The following PTN variants were observed in gnomAD, a reference collection of about 807,000 sequenced individuals.
The protein encoded by PTN is pleiotrophin.
PTN carries 18 observed loss-of-function variants against 24.1 expected under a neutral mutation model. That is an observed-to-expected ratio of 0.75 (90% CI 0.52 to 1.11). PTN has a LOEUF of 1.11. Ranked by LOEUF, PTN falls within the 50% of genes least tolerant of loss-of-function variation. The pLI is 0.00. For synonymous variants in PTN, 78 were observed against 68.6 expected (o/e 1.14, Z -0.67); for missense variants, 163 against 198.8 (o/e 0.82, Z 1.08).
At chr7:137,273,071 C>A (rs1809303106) in intron 1 of PTN, among the ~76,000 whole-genome samples, 1 of 152,134 alleles carries the variant, frequency 6.6e-6, no homozygotes, top group Non-Finnish European at 1.5e-5. Flanking sequence ...TGTGTAGACA[C>A]AAACACTTGT....
At chr7:137,269,860 T>C (rs1330475994) in intron 1 of PTN, among the ~76,000 whole-genome samples, 2 of 152,096 alleles carry the variant, frequency 1.3e-5, no homozygotes, top group Non-Finnish European at 2.9e-5. Context: ...CTCAATCTCC[T>C]GACCTCGTGA....
At chr7:137,239,379 T>C (rs1226482193) in intron 4 of PTN, among the ~76,000 whole-genome samples, 1 of 70,206 alleles carries the variant, frequency 1.4e-5, no homozygotes, top group Non-Finnish European at 2.8e-5. Context: ...TTCTTTTTTA[T>C]TTATTTATTT....
Position 137,293,465 on chromosome 7 carries a change from T to C in PTN, c.-1-38491A>G, listed in dbSNP as rs1045029406. 2.0e-5 allele frequency among the ~76,000 whole-genome samples: 3 copies of C among 152,108 alleles called. 1 individual carries two copies. Among genetic ancestry groups the C allele is most frequent in the South Asian group, 2.1e-4 (1 of 4,830 alleles). The stretch of plus-strand genomic sequence containing the variant: ...GATTGATAAAGTTTCTGGGCTAGCA[T>C]ACTTGAAATGCTAGTAATTAGAGTG... On this transcript the variant is annotated intron_variant, in intron 1 of 4. Coordinates refer to ENST00000348225, the MANE Select transcript of PTN (RefSeq NM_002825.7).
At chr7:137,228,730 T>C (rs1183426357) in intron 4 of PTN, among the ~76,000 whole-genome samples, 3 of 151,700 alleles carry the variant, frequency 2.0e-5, no homozygotes, top group Admixed American at 2.0e-4. Flanking sequence ...AAGTAAAACA[T>C]TGAGGATTTC....
intron 1 of PTN, among the ~76,000 whole-genome samples, chr7:137,305,272 A>G (rs1469393591): frequency 6.6e-6 from 1 of 152,094 alleles, no homozygotes; most frequent in African/African-American, 2.4e-5. Context: ...TTAACCTATT[A>G]ATCATATCTG....
chr7:137,236,588 A>C (rs1186000648), intron 4 of PTN, among the ~76,000 whole-genome samples: 5 of 152,140 alleles, frequency 3.3e-5, no homozygotes, highest in African/African-American at 1.2e-4. Context: ...GACCACTCTC[A>C]AGATTTTATA....
At chr7:137,337,310 C>T (rs979795775) in intron 1 of PTN, among the ~76,000 whole-genome samples, 3 of 152,128 alleles carry the variant, frequency 2.0e-5, no homozygotes. Flanking sequence ...CATTATATTA[C>T]AGAGGAATAA....
intron 1 of PTN, among the ~76,000 whole-genome samples, chr7:137,339,873 C>T (rs921589396): frequency 9.2e-5 from 14 of 151,880 alleles, no homozygotes; most frequent in Non-Finnish European, 1.5e-5. Context: ...AGACAGAATG[C>T]TATTTGTGTT....
At chr7:137,236,143 C>T (rs1409541874) in intron 4 of PTN, 2 of 701,616 alleles carry the variant, frequency 2.9e-6, no homozygotes, top group East Asian at 5.4e-5. Context: ...AATCAACTCA[C>T]CAGTTGCATC....
intron 1 of PTN, among the ~76,000 whole-genome samples, chr7:137,302,259 C>T (rs1809817805): frequency 1.3e-5 from 2 of 151,974 alleles, no homozygotes; most frequent in Admixed American, 6.6e-5. Context: ...TAAATGCCAT[C>T]AAGAATTTGA....
At chr7:137,253,695 T>C (rs997369946) in intron 2 of PTN, 58 bp from the exon 3 acceptor site, 17 of 1,365,288 alleles carry the variant, frequency 1.2e-5, no homozygotes, top group African/African-American at 1.2e-4. Context: ...CTTCCAGATA[T>C]AACCAAGTTC....
At chr7:137,329,261 G>T (rs1431922718) in intron 1 of PTN, among the ~76,000 whole-genome samples, 1 of 152,188 alleles carries the variant, frequency 6.6e-6, no homozygotes, top group Non-Finnish European at 1.5e-5. Context: ...GGTGAATTGT[G>T]CTCAGAAATT....
chr7:137,334,023 C>T (rs1367734419), intron 1 of PTN, among the ~76,000 whole-genome samples: 2 of 152,276 alleles, frequency 1.3e-5, no homozygotes, highest in Admixed American at 1.3e-4. Flanking sequence ...CTTCCTTACA[C>T]CTCATACAAA....
chr7:137,254,522 A>G (rs563048301), intron 2 of PTN, among the ~76,000 whole-genome samples: 2 of 142,658 alleles, frequency 1.4e-5, no homozygotes, highest in South Asian at 2.2e-4. Context: ...AATTAAGGAG[A>G]AAAACAAGTT....
At chr7:137,272,980 G>A (rs10264510) in intron 1 of PTN, among the ~76,000 whole-genome samples, 50,893 of 152,056 alleles carry the variant, frequency 0.33, 9,838 homozygotes, top group African/African-American at 0.54. Flanking sequence ...AAGTTCTATC[G>A]AAAGCCTTTG....
At chr7:137,233,685 C>G (rs1459073006) in intron 4 of PTN, among the ~76,000 whole-genome samples, 1 of 151,654 alleles carries the variant, frequency 6.6e-6, no homozygotes, top group African/African-American at 2.4e-5. Context: ...TGCTAATTTA[C>G]TACTACAATC....
intron 1 of PTN, among the ~76,000 whole-genome samples, chr7:137,333,162 G>T (rs1192221107): frequency 3.3e-5 from 5 of 152,144 alleles, no homozygotes; most frequent in Middle Eastern, 3.4e-3. Context: ...AAAAGAGTCT[G>T]GTACCTTCCT....
intron 4 of PTN, among the ~76,000 whole-genome samples, chr7:137,239,058 G>A (rs1477197145): frequency 2.0e-5 from 3 of 152,124 alleles, no homozygotes; most frequent in Non-Finnish European, 4.4e-5. Flanking sequence ...ATGTGCCCAG[G>A]GAGATGAAAG....
At chr7:137,326,150 G>A (rs997739357) in intron 1 of PTN, 3 of 152,160 alleles carry the variant, frequency 2.0e-5, no homozygotes, top group African/African-American at 4.8e-5. Flanking sequence ...CAAGCCTGAG[G>A]CTACTTCTCA....
Sources: allele counts gnomAD v4.1 joint callset (sites outside exome capture counted in the v4.1 genomes callset), GRCh38; gene constraint gnomAD v4.1.1; transcripts MANE v1.5; gene names NCBI Gene and HGNC (gene_info 2026-07-23, HGNC 2026-07-21).